Variants in RGPD2 observed in about 807,000 individuals in gnomAD.
RGPD2 encodes the protein RANBP2-like and GRIP domain-containing protein 2.
A neutral mutation model predicts 36.0 loss-of-function variants in RGPD2; 2 were observed. The ratio of observed to expected loss-of-function variants is 0.06; its 90% CI spans 0.02 to 0.17. The LOEUF (loss-of-function observed/expected upper bound fraction) is 0.17, where lower values mean the gene tolerates loss of function less well. Ranked by LOEUF, RGPD2 falls within the 10% of genes least tolerant of loss-of-function variation. RGPD2 has a pLI of 1.00. For synonymous variants in RGPD2, 19 were observed against 163.8 expected, an observed-to-expected ratio of 0.12 and a Z score of 6.75; for missense variants, 40 against 464.3, an observed-to-expected ratio of 0.09 and a Z score of 8.40.
At position 87,825,695 on chromosome 2, in the gene RGPD2, A is replaced by G. The variant is rs777727277; in HGVS notation, c.35T>C (p.Leu12Pro). The change falls in exon 1 of 23, where the codon CTC becomes CCC. Residue 12 changes from leucine to proline, a missense_variant. Transcript: ENST00000398146. ...RRSKAYGERY[L>P]ASVQGSAPSP... ...CGGGGCGGAGCCCTGCACCGAGGCGAGGTACCGCTCCCCGTAGGCTTTGCT... is the reference window on the plus strand; with the variant it reads ...CGGGGCGGAGCCCTGCACCGAGGCGGGGTACCGCTCCCCGTAGGCTTTGCT... The G allele has an allele frequency of 5.0e-6, 8 of 1,601,758 alleles. No individual in the cohort carries two copies. Among genetic ancestry groups the G allele is most frequent in the East Asian group, 2.2e-5 (1 of 44,542 alleles).
intron 22 of RGPD2, among the ~76,000 whole-genome samples, chr2:87,763,260 C>T (rs1215571298): frequency 4.8e-5 from 7 of 147,314 alleles, no homozygotes; most frequent in African/African-American, 7.8e-5. Flanking sequence ...CGGGTTCGCG[C>T]CATTCTCCTG....
the RGPD2 span, among the ~76,000 whole-genome samples, chr2:87,859,688 A>G: frequency 6.6e-6 from 1 of 152,178 alleles, no homozygotes; most frequent in South Asian, 2.1e-4. Flanking sequence ...CGCTGAGATC[A>G]CCACTGACGA....
chr2:87,894,310 T>C, the RGPD2 span, among the ~76,000 whole-genome samples: 63 of 151,760 alleles, frequency 4.2e-4, no homozygotes, highest in Non-Finnish European at 7.4e-5. Flanking sequence ...AATATCTTAG[T>C]TTTTACTTGT....
the RGPD2 span, among the ~76,000 whole-genome samples, chr2:87,846,583 C>T: frequency 2.0e-5 from 3 of 152,072 alleles, no homozygotes; most frequent in African/African-American, 4.8e-5. Context: ...TTCTGATGAA[C>T]ATTCCTGCAG....
the RGPD2 span, among the ~76,000 whole-genome samples, chr2:87,943,967 G>A: frequency 6.6e-6 from 1 of 151,936 alleles, no homozygotes; most frequent in Non-Finnish European, 1.5e-5. Context: ...TATTCAATTG[G>A]TCTATGTTTT....
At chr2:87,847,547 G>A in the RGPD2 span, among the ~76,000 whole-genome samples, 1 of 147,660 alleles carries the variant, frequency 6.8e-6, no homozygotes, top group African/African-American at 2.5e-5. Context: ...TCACCAGGCT[G>A]GAGTGCAGTG....
At chr2:87,883,537 AAAAC>A in the RGPD2 span, among the ~76,000 whole-genome samples, 1 of 151,966 alleles carries the variant, frequency 6.6e-6, no homozygotes, top group Non-Finnish European at 1.5e-5. Context: ...AGGAATGAAA[AAAAC>A]AAAGCCCAGT....
At chr2:87,989,187 A>G in the RGPD2 span, 2 of 447,110 alleles carry the variant, frequency 4.5e-6, no homozygotes, top group Non-Finnish European at 7.7e-6. Context: ...GAAACAAATG[A>G]GAAAGTAAAT....
At chr2:87,973,488 G>C in the RGPD2 span, among the ~76,000 whole-genome samples, 1 of 132,704 alleles carries the variant, frequency 7.5e-6, no homozygotes, top group African/African-American at 2.7e-5. Context: ...ACGTAGTTTT[G>C]AGAGGGTGGA....
the RGPD2 span, among the ~76,000 whole-genome samples, chr2:87,877,581 A>T: frequency 6.6e-6 from 1 of 152,254 alleles, no homozygotes; most frequent in African/African-American, 2.4e-5. Flanking sequence ...AGGAGGGCAG[A>T]TCACGAAGTC....
chr2:87,894,524 A>T, the RGPD2 span, among the ~76,000 whole-genome samples: 2 of 151,810 alleles, frequency 1.3e-5, no homozygotes, highest in African/African-American at 4.8e-5. Context: ...CATCTTGAAG[A>T]TACTGTGTTA....
the RGPD2 span, among the ~76,000 whole-genome samples, chr2:87,915,556 GTATA>G: frequency 1.4e-5 from 2 of 140,010 alleles, no homozygotes; most frequent in African/African-American, 5.4e-5. Context: ...ATGTGTATGT[GTATA>G]TATATACACA....
the RGPD2 span, among the ~76,000 whole-genome samples, chr2:87,973,430 C>T: frequency 5.5e-4 from 74 of 134,230 alleles, no homozygotes; most frequent in Non-Finnish European, 1.0e-3. Flanking sequence ...GATTCTGTAC[C>T]GCAGGTCTTT....
the RGPD2 span, among the ~76,000 whole-genome samples, chr2:87,925,719 G>A: frequency 6.7e-6 from 1 of 150,076 alleles, no homozygotes; most frequent in Non-Finnish European, 1.5e-5. Flanking sequence ...GCATGAGATG[G>A]TATCTCATTG....
At chr2:87,825,586 G>A (rs985775495) in intron 1 of RGPD2, 72 bp downstream of exon 1, 1 of 1,252,654 alleles carries the variant, frequency 8.0e-7, no homozygotes, top group African/African-American at 1.6e-5. Context: ...CCAGGTCGAG[G>A]CCGCCGCCCG....
At chr2:87,857,451 T>G in the RGPD2 span, among the ~76,000 whole-genome samples, 1 of 151,624 alleles carries the variant, frequency 6.6e-6, no homozygotes, top group Non-Finnish European at 1.5e-5. Context: ...CACGCCATTC[T>G]CCTGCCTCAG....
chr2:87,951,234 A>G, the RGPD2 span, among the ~76,000 whole-genome samples: 23,837 of 147,958 alleles, frequency 0.16, 2,380 homozygotes, highest in Non-Finnish European at 0.23. Flanking sequence ...TAAGGGCATT[A>G]TTAAATCTTA....
chr2:87,986,630 A>C, the RGPD2 span, among the ~76,000 whole-genome samples: 1 of 151,874 alleles, frequency 6.6e-6, no homozygotes, highest in Non-Finnish European at 1.5e-5. Flanking sequence ...CTGTAATCTA[A>C]GCACTTTGCG....
the RGPD2 span, among the ~76,000 whole-genome samples, chr2:87,842,985 T>C: frequency 6.6e-6 from 1 of 150,896 alleles, no homozygotes; most frequent in Non-Finnish European, 1.5e-5. Context: ...TAATAAATGG[T>C]GCTGGGAAAA....
Sources: gnomAD v4.1 joint callset for allele counts (sites outside exome capture counted in the v4.1 genomes callset) on GRCh38, gnomAD v4.1.1 for gene constraint, MANE v1.5 for transcripts, NCBI Gene and HGNC (gene_info 2026-07-23, HGNC 2026-07-21) for gene names.